Variants in PTPDC1 observed in about 807,000 individuals in gnomAD.
The protein encoded by PTPDC1 is protein tyrosine phosphatase domain-containing protein 1.
PTPDC1 carries 53 observed loss-of-function variants against 75.3 expected under a neutral mutation model. That is an observed-to-expected ratio of 0.70 (90% CI 0.56 to 0.88). The LOEUF (loss-of-function observed/expected upper bound fraction) is 0.88. Ranked by LOEUF, PTPDC1 falls within the 40% of genes least tolerant of loss-of-function variation. The probability of loss-of-function intolerance (pLI) is 0.00; values close to 1 mark genes in which losing one functional copy is unlikely to be tolerated. For synonymous variants in PTPDC1, 349 were observed against 366.2 expected (o/e 0.95, Z 0.54); for missense variants, 925 against 998.6 (o/e 0.93, Z 0.99).
chr9:94,064,499 A>G (rs1826237048), intron 1 of PTPDC1, among the ~76,000 whole-genome samples: 2 of 152,224 alleles, frequency 1.3e-5, no homozygotes, highest in Non-Finnish European at 2.9e-5. Context: ...TAGCATGTGT[A>G]ATTAATGTAA....
intron 2 of PTPDC1, among the ~76,000 whole-genome samples, chr9:94,066,048 G>A (rs895553302): frequency 6.6e-6 from 1 of 152,092 alleles, no homozygotes; most frequent in African/African-American, 2.4e-5. Context: ...TTGCGGGTGG[G>A]ACAACTCTTT....
At chr9:94,104,130 T>G in intron 7 of PTPDC1, 145 bp from the exon 8 acceptor site, 1 of 551,056 alleles carries the variant, frequency 1.8e-6, no homozygotes, top group South Asian at 2.5e-5. Flanking sequence ...CATTTGTTGA[T>G]GTTTAGATAT....
intron 2 of PTPDC1, among the ~76,000 whole-genome samples, chr9:94,068,414 A>C (rs1326557986): frequency 6.6e-6 from 1 of 151,688 alleles, no homozygotes; most frequent in Non-Finnish European, 1.5e-5. Context: ...TTTTTGTAAC[A>C]TGTTCCTCAG....
At position 94,097,896 on chromosome 9, in the gene PTPDC1, C is replaced by CGGCT. The variant is rs1827670683; in HGVS notation, c.1331_1334dup (p.Ser446AlafsTer5). 1 of 1,614,010 alleles carries CGGCT rather than the reference C, an allele frequency of 6.2e-7. No homozygotes were observed. Among genetic ancestry groups the CGGCT allele is most frequent in the Admixed American group, 1.7e-5 (1 of 60,008 alleles). On this transcript the variant is annotated frameshift_variant, in exon 6 of 9. Transcript: ENST00000620992. LOFTEE classifies it high-confidence loss of function. ...TCAACCCCTGACTCATCTGAAAAGG[C>CGGCT]GGCTCAGCTACAGTGACTCAGATTT... is the stretch of plus-strand genomic sequence containing the variant.
At position 94,085,376 on chromosome 9, in the gene PTPDC1, C is replaced by T. The variant is rs144341098; in HGVS notation, c.370C>T (p.Arg124Cys). 39 of 1,614,076 alleles carry T rather than the reference C, an allele frequency of 2.4e-5. No individual in the cohort carries two copies. The highest frequency in any genetic ancestry group is 9.9e-5 in the South Asian group (9 of 91,090). Residue 124 changes from arginine (R) to cysteine (C), a missense_variant, in exon 2 of 9, where the codon CGC becomes TGC. By Grantham distance (180) the Arg-to-Cys change is radical. Coordinates refer to ENST00000620992, the MANE Select transcript of PTPDC1 (RefSeq NM_001253829.2). ...AGCTTGCAAGTATGAGAACCCAGCC[C>T]GCTGGAGTGAGCAGGAGCAAGCCAT... ...GRACKYENPA[R>C]WSEQEQAIKG...
At chr9:94,107,300 C>T (rs977858455) in intron 8 of PTPDC1, among the ~76,000 whole-genome samples, 6 of 152,142 alleles carry the variant, frequency 3.9e-5, no homozygotes, top group African/African-American at 4.8e-5. Flanking sequence ...CTCATAGATA[C>T]GCTATCCTAT....
intron 1 of PTPDC1, among the ~76,000 whole-genome samples, chr9:94,046,766 A>T (rs1437940711): frequency 6.6e-6 from 1 of 152,188 alleles, no homozygotes; most frequent in South Asian, 2.1e-4. Context: ...GGGGTTTTCT[A>T]GATATACAAT....
At chr9:94,083,320 A>G (rs1334701292), upstream of PTPDC1, among the ~76,000 whole-genome samples, 2 of 152,208 alleles carry the variant, frequency 1.3e-5, no homozygotes, top group Non-Finnish European at 2.9e-5. Flanking sequence ...TAACAAAGGC[A>G]TGATACTATA....
chr9:94,084,295 C>A (rs1332947965), upstream of PTPDC1: 2 of 415,116 alleles, frequency 4.8e-6, no homozygotes, highest in East Asian at 3.8e-5. Flanking sequence ...TTATATTATT[C>A]TTCCCTATAT....
At chr9:94,049,486 T>A (rs1023148737) in intron 1 of PTPDC1, among the ~76,000 whole-genome samples, 2 of 152,232 alleles carry the variant, frequency 1.3e-5, no homozygotes, top group African/African-American at 2.4e-5. Flanking sequence ...TTAGTTTGGC[T>A]GGATATGAAA....
Position 94,097,358 on chromosome 9 carries a change from A to T in PTPDC1, c.792A>T (p.Arg264Ser). The T allele has an allele frequency of 5.0e-6, 8 of 1,612,140 alleles. No homozygotes were observed. The highest frequency in any genetic ancestry group is 6.8e-6 in the Non-Finnish European group (8 of 1,178,810). The change falls in exon 6 of 9, where the codon AGA becomes AGT. Residue 264 changes from arginine (R) to serine (S), a missense_variant. Arg to Ser is a moderately radical substitution (Grantham distance 110). Transcript: ENST00000620992. ...CCTGTTACTTAGTTTTTGCAACGAG[A>T]ATGACTGCTGACCAAGCAATTATAT... is the stretch of plus-strand genomic sequence containing the variant. ...LIACYLVFAT[R>S]MTADQAIIFV...
intron 2 of PTPDC1, among the ~76,000 whole-genome samples, chr9:94,072,784 A>T (rs1826557328): frequency 6.6e-6 from 1 of 152,114 alleles, no homozygotes; most frequent in African/African-American, 2.4e-5. Flanking sequence ...ATATGATCAT[A>T]TGATTTTTCT....
intron 4 of PTPDC1, among the ~76,000 whole-genome samples, chr9:94,091,568 G>T (rs1827320632): frequency 6.6e-6 from 1 of 152,070 alleles, no homozygotes; most frequent in Non-Finnish European, 1.5e-5. Flanking sequence ...TCTCTGCCTG[G>T]CTTTGGTATC....
At chr9:94,069,823 CTTTTTTT>C (rs763640631) in intron 2 of PTPDC1, among the ~76,000 whole-genome samples, 1 of 108,204 alleles carries the variant, frequency 9.2e-6, no homozygotes, top group African/African-American at 3.6e-5. Flanking sequence ...CCAATACTTT[CTTTTTTT>C]TTTTTTTTTT....
chr9:94,047,025 T>C (rs1231832111), intron 1 of PTPDC1, among the ~76,000 whole-genome samples: 2 of 152,244 alleles, frequency 1.3e-5, no homozygotes, highest in South Asian at 2.1e-4. Context: ...GTCCTATCAA[T>C]ACCTAATTTA....
intron 1 of PTPDC1, among the ~76,000 whole-genome samples, chr9:94,047,549 G>T (rs1825646859): frequency 6.6e-6 from 1 of 152,066 alleles, no homozygotes; most frequent in African/African-American, 2.4e-5. Context: ...CTAGCAGAAG[G>T]CAAGAAATAA....
chr9:94,031,605 A>G (rs1361803049), intron 1 of PTPDC1, among the ~76,000 whole-genome samples: 1 of 152,122 alleles, frequency 6.6e-6, no homozygotes, highest in Non-Finnish European at 1.5e-5. Context: ...TCGGACATGC[A>G]TTCTCAACAT....
intron 7 of PTPDC1, among the ~76,000 whole-genome samples, chr9:94,102,666 GC>G (rs978722218): frequency 5.1e-4 from 78 of 152,120 alleles, no homozygotes; most frequent in Admixed American, 1.3e-3. Flanking sequence ...TGCAACCTCT[GC>G]CCCCCGGGTT....
Position 94,098,107 on chromosome 9 carries a change from A to C in PTPDC1, c.1541A>C (p.Lys514Thr), listed in dbSNP as rs745586903. The change falls in exon 6 of 9, where the codon AAG becomes ACG. Residue 514 changes from lysine to threonine, a missense_variant. Physicochemically the swap from Lys to Thr is moderately conservative, Grantham distance 78. Transcript: ENST00000620992. The stretch of plus-strand genomic sequence containing the variant: ...ACACTTTCTTTCTGGAGTCAGTCAA[A>C]GTTTGGAGGCCTGGAAGGACTCAAA... ...RSTLSFWSQS[K>T]FGGLEGLKDN... The C allele has an allele frequency of 2.2e-4, 351 of 1,614,102 alleles. 4 individuals are homozygous for C. In the Admixed American group the frequency reaches 5.8e-3, roughly 27 times the overall value.
Sources: gnomAD v4.1 joint callset for allele counts (sites outside exome capture counted in the v4.1 genomes callset) on GRCh38, gnomAD v4.1.1 for gene constraint, MANE v1.5 for transcripts, NCBI Gene and HGNC (gene_info 2026-07-23, HGNC 2026-07-21) for gene names.